The following PACRG variants were observed in gnomAD, a reference collection of about 807,000 sequenced individuals.
The protein encoded by PACRG is parkin coregulated.
In PACRG, 29 loss-of-function variants were observed where a neutral mutation model predicts 29.7. The observed-to-expected ratio is 0.98, with a 90% confidence interval of 0.73 to 1.33. The LOEUF (loss-of-function observed/expected upper bound fraction) is 1.33. Ranked by LOEUF, PACRG falls within the 40% of genes most tolerant of loss-of-function variation. PACRG has a pLI of 0.00. For missense variants in PACRG, 279 were observed against 316.2 expected, an observed-to-expected ratio of 0.88 and a Z score of 0.89; for synonymous variants, 116 against 118.7, an observed-to-expected ratio of 0.98 and a Z score of 0.15.
chr6:162,979,399 T>C (rs1481919917), intron 2 of PACRG, among the ~76,000 whole-genome samples: 1 of 152,192 alleles, frequency 6.6e-6, no homozygotes, highest in African/African-American at 2.4e-5. Context: ...CTGCGTTGAG[T>C]TCATTTATAT....
rs530384464 is a variant in PACRG, at chr6:163,090,596, AT to A, written c.613+1191del. Among the ~76,000 whole-genome samples, 543 of 152,308 alleles carry A rather than the reference AT, an allele frequency of 3.6e-3. 5 individuals carry two copies. Among genetic ancestry groups the A allele is most frequent in the African/African-American group, 0.013 (525 of 41,566 alleles). ...AATGTTTTAGTAACAATATTACTAC[AT>A]TTGGAAAATACTTATTTAAACAGTC... On this transcript the variant is annotated intron_variant, in intron 4 of 4. Coordinates refer to ENST00000366888, the MANE Select transcript of PACRG (RefSeq NM_001080379.2).
chr6:162,952,720 G>C (rs1417426153), intron 2 of PACRG, among the ~76,000 whole-genome samples: 4 of 152,152 alleles, frequency 2.6e-5, no homozygotes, highest in Admixed American at 1.3e-4. Flanking sequence ...TTACACGAAA[G>C]GGCCATGGGA....
intron 4 of PACRG, among the ~76,000 whole-genome samples, chr6:163,289,793 C>T (rs933179125): frequency 6.6e-6 from 1 of 152,014 alleles, no homozygotes; most frequent in Non-Finnish European, 1.5e-5. Flanking sequence ...TTGTGCCCCC[C>T]ACCTTGACCA....
intron 2 of PACRG, among the ~76,000 whole-genome samples, chr6:162,820,562 A>T: frequency 6.6e-6 from 1 of 152,206 alleles, no homozygotes; most frequent in African/African-American, 2.4e-5. Flanking sequence ...TGCTATCAGA[A>T]TATTCACAAG....
At chr6:163,110,087 C>A (rs1208913985) in intron 4 of PACRG, among the ~76,000 whole-genome samples, 1 of 151,938 alleles carries the variant, frequency 6.6e-6, no homozygotes, top group Non-Finnish European at 1.5e-5. Flanking sequence ...GGATAGAAAT[C>A]CAGGGGAAAG....
chr6:162,767,388 A>C (rs528235956), intron 1 of PACRG, among the ~76,000 whole-genome samples: 26 of 152,034 alleles, frequency 1.7e-4, no homozygotes, highest in African/African-American at 6.0e-4. Flanking sequence ...ATCATTATGC[A>C]TTGACCCTTT....
intron 4 of PACRG, among the ~76,000 whole-genome samples, chr6:163,106,471 G>GT (rs1815387556): frequency 6.6e-6 from 1 of 152,100 alleles, no homozygotes; most frequent in African/African-American, 2.4e-5. Flanking sequence ...ACTGTGATCT[G>GT]TTTTTTAAAA....
chr6:162,875,244 T>C, intron 2 of PACRG, among the ~76,000 whole-genome samples: 1 of 131,674 alleles, frequency 7.6e-6, no homozygotes, highest in African/African-American at 2.9e-5. Flanking sequence ...TGCACAGACA[T>C]TCACACACAG....
chr6:162,796,407 T>C (rs949712602), intron 1 of PACRG, among the ~76,000 whole-genome samples: 3 of 152,178 alleles, frequency 2.0e-5, no homozygotes, highest in African/African-American at 7.2e-5. Context: ...TTTTTATCTT[T>C]CTCTGTGTGC....
chr6:162,996,067 C>T (rs1354915311), intron 2 of PACRG, among the ~76,000 whole-genome samples: 1 of 151,984 alleles, frequency 6.6e-6, no homozygotes, highest in African/African-American at 2.4e-5. Flanking sequence ...ATGGTAGTTA[C>T]AATACTTCAT....
At chr6:163,127,544 A>G (rs1002403100) in intron 4 of PACRG, among the ~76,000 whole-genome samples, 4 of 152,076 alleles carry the variant, frequency 2.6e-5, no homozygotes, top group Admixed American at 6.5e-5. Flanking sequence ...TTAAATAAGA[A>G]TCTTCAGGTC....
chr6:163,172,489 C>T (rs1240759621), intron 4 of PACRG, among the ~76,000 whole-genome samples: 1 of 152,240 alleles, frequency 6.6e-6, no homozygotes. Context: ...CACATGCACA[C>T]ACACACGCAT....
At chr6:163,139,588 A>G (rs1016228895) in intron 4 of PACRG, among the ~76,000 whole-genome samples, 6 of 152,246 alleles carry the variant, frequency 3.9e-5, no homozygotes, top group Admixed American at 6.5e-5. Context: ...GGCAAAAAAA[A>G]AGAGAAAGCT....
chr6:162,806,764 C>A (rs1274013151), intron 1 of PACRG, among the ~76,000 whole-genome samples: 1 of 152,102 alleles, frequency 6.6e-6, no homozygotes, highest in Non-Finnish European at 1.5e-5. Context: ...GCTCAGTGAC[C>A]ACTGGCTTCA....
intron 2 of PACRG, among the ~76,000 whole-genome samples, chr6:162,912,746 C>G (rs1324574683): frequency 2.0e-5 from 3 of 151,292 alleles, no homozygotes; most frequent in African/African-American, 7.3e-5. Flanking sequence ...TAATTTTTGT[C>G]TTTTTAGTAG....
rs141691100 is a variant in PACRG at position 162,921,444 on chromosome 6, G to A, written c.291+107163G>A. Reference sequence around the variant, plus strand: ...CGGAGGCTGTCTGATTTGTTTTCTGGCTTCCTCCATTTCTCTGACCTCTGG... The same window carrying A: ...CGGAGGCTGTCTGATTTGTTTTCTGACTTCCTCCATTTCTCTGACCTCTGG... On this transcript the variant is annotated intron_variant, in intron 2 of 4. Transcript: ENST00000366888. Among the ~76,000 whole-genome samples, 457 of 152,246 alleles carry A rather than the reference G, an allele frequency of 3.0e-3. 2 individuals are homozygous for A. Among genetic ancestry groups the A allele is most frequent in the African/African-American group, 0.01 (428 of 41,542 alleles).
rs1562696327 is a variant in PACRG, at chr6:162,883,272, AAAG to A, written c.291+68993_291+68995del. Reference sequence around the variant, plus strand: ...CTGTCTGGCACATGAAATATCCAGGAAAGAGTTTTCCTTTCAGCTCTCATGACA... The same window carrying A: ...CTGTCTGGCACATGAAATATCCAGGAAGTTTTCCTTTCAGCTCTCATGACA... On this transcript the variant is annotated intron_variant, in intron 2 of 4. Transcript: ENST00000366888. Among the ~76,000 whole-genome samples, 3 of 152,216 alleles carry A rather than the reference AAAG, an allele frequency of 2.0e-5. No individual in the cohort carries two copies. The South Asian group carries it at 6.2e-4, about 32-fold the overall frequency.
chr6:163,266,126 C>T (rs1016742909), intron 4 of PACRG, among the ~76,000 whole-genome samples: 1 of 152,170 alleles, frequency 6.6e-6, no homozygotes. Flanking sequence ...ATTCTTTTCA[C>T]TTATTGGTGA....
intron 4 of PACRG, among the ~76,000 whole-genome samples, chr6:163,267,896 A>G (rs78141870): frequency 0.027 from 4,131 of 152,340 alleles, 177 homozygotes; most frequent in African/African-American, 0.094. Context: ...TCTGAGAAAT[A>G]AAACAAAGTA....
Sources: gnomAD v4.1 joint callset for allele counts (sites outside exome capture counted in the v4.1 genomes callset) on GRCh38, gnomAD v4.1.1 for gene constraint, MANE v1.5 for transcripts, NCBI Gene and HGNC (gene_info 2026-07-23, HGNC 2026-07-21) for gene names.